RSPH1: variants seen among roughly 807,000 people sequenced by gnomAD.
The protein encoded by RSPH1 is radial spoke head component 1.
Under a neutral mutation model 44.2 loss-of-function variants are expected in RSPH1, and 32 were observed. The observed-to-expected ratio is 0.72, with a 90% confidence interval of 0.55 to 0.97. The LOEUF (loss-of-function observed/expected upper bound fraction) is 0.97, where lower values mean the gene tolerates loss of function less well. Ranked by LOEUF, RSPH1 falls within the 50% of genes least tolerant of loss-of-function variation. RSPH1 has a pLI of 0.00. For synonymous variants in RSPH1, 134 were observed against 147.3 expected (o/e 0.91, Z 0.65); for missense variants, 391 against 398.7 (o/e 0.98, Z 0.16).
intron 4 of RSPH1, 72 bp from the exon 5 acceptor site, chr21:42,485,876 C>T: frequency 1.9e-6 from 3 of 1,589,766 alleles, no homozygotes; most frequent in Middle Eastern, 2.0e-4. Context: ...AAAACACAGA[C>T]ATTGACATTG....
At chr21:42,475,780 C>T in intron 8 of RSPH1, 118 bp downstream of exon 8, 1 of 1,187,796 alleles carries the variant, frequency 8.4e-7, no homozygotes, top group Admixed American at 2.2e-5. Context: ...CCCCCTAAGC[C>T]TTCCTCGAGT....
chr21:42,483,397 C>T (rs1215742225), intron 5 of RSPH1, among the ~76,000 whole-genome samples: 1 of 152,048 alleles, frequency 6.6e-6, no homozygotes, highest in African/African-American at 2.4e-5. Flanking sequence ...CCCATAACTG[C>T]ACTTAAGAGT....
chr21:42,493,600 A>C (rs982744072), intron 1 of RSPH1, among the ~76,000 whole-genome samples: 5 of 152,198 alleles, frequency 3.3e-5, no homozygotes, highest in African/African-American at 1.2e-4. Flanking sequence ...CCCTGCAAGG[A>C]ATTTCCGATG....
intron 3 of RSPH1, among the ~76,000 whole-genome samples, chr21:42,491,447 A>G (rs2054234685): frequency 1.3e-5 from 2 of 152,170 alleles, no homozygotes; most frequent in African/African-American, 2.4e-5. Context: ...CTTATCCTAA[A>G]TATCTTCGTG....
chr21:42,489,283 G>A (rs2146659542), intron 3 of RSPH1, among the ~76,000 whole-genome samples: 1 of 152,192 alleles, frequency 6.6e-6, no homozygotes, highest in Admixed American at 6.5e-5. Context: ...TTGGTTGGTT[G>A]GTTGGTTGGC....
rs752263023 is a variant in RSPH1 at position 42,492,984 on chromosome 21, G to T, written c.150C>A (p.Phe50Leu). Residue 50 changes from phenylalanine (F) to leucine (L), a missense_variant, in exon 2 of 9, where the codon TTC becomes TTA. Phe to Leu is a conservative substitution (Grantham distance 22). Coordinates refer to ENST00000291536, the MANE Select transcript of RSPH1 (RefSeq NM_080860.4). ...TTCTGACCTGGCCATGTCTTTTACC[G>T]AATTCGTAGCTCCCTTCGTAGGTGT... is the stretch of plus-strand genomic sequence containing the variant. ...NGDTYEGSYE[F>L]GKRHGQGIYK... 158 of 1,613,932 alleles carry T rather than the reference G, an allele frequency of 9.8e-5. 1 individual carries two copies. The highest frequency in any genetic ancestry group is 1.3e-4 in the Non-Finnish European group (150 of 1,179,998).
chr21:42,495,626 C>T (rs913136021), intron 1 of RSPH1, among the ~76,000 whole-genome samples: 9 of 152,216 alleles, frequency 5.9e-5, no homozygotes, highest in African/African-American at 2.2e-4. Flanking sequence ...TGAGGATACG[C>T]CTATAAGGTA....
intron 4 of RSPH1, 72 bp downstream of exon 4, chr21:42,486,299 G>T: frequency 8.9e-7 from 1 of 1,125,378 alleles, no homozygotes; most frequent in Non-Finnish European, 1.4e-6. Flanking sequence ...CTCAGTAAGT[G>T]TAAACAATCT....
rs376744963 is a variant in RSPH1 at position 42,474,805 on chromosome 21, C to T, written c.877+1093G>A. On this transcript the variant is annotated intron_variant, in intron 8 of 8. Transcript: ENST00000291536. The surrounding 1 kb of genome is among the most constrained non-coding windows in gnomAD (Gnocchi z 5.2). ...TACCGATCACGAAAGTCTATGCCAG[C>T]GCTCAGGGGAATTACCGATCACGAA... Among the ~76,000 whole-genome samples the T allele has an allele frequency of 2.0e-5, 3 of 152,148 alleles. No individual in the cohort carries two copies. The highest frequency in any genetic ancestry group is 2.9e-5 in the Non-Finnish European group (2 of 68,012).
intron 1 of RSPH1, among the ~76,000 whole-genome samples, chr21:42,493,745 T>C (rs2054259418): frequency 6.6e-6 from 1 of 152,204 alleles, no homozygotes; most frequent in Admixed American, 6.5e-5. Context: ...ATTATGTATC[T>C]ATCTGTGGTT....
chr21:42,478,628 A>C (rs1315449738), intron 6 of RSPH1, among the ~76,000 whole-genome samples: 3 of 152,242 alleles, frequency 2.0e-5, no homozygotes, highest in Non-Finnish European at 4.4e-5. Context: ...GCTACTGTAG[A>C]AAACATTTGA....
At chr21:42,494,992 G>A (rs536248209) in intron 1 of RSPH1, among the ~76,000 whole-genome samples, 3 of 152,160 alleles carry the variant, frequency 2.0e-5, no homozygotes, top group Admixed American at 6.5e-5. Context: ...GAGCCACCGC[G>A]CCTGGCCTGA....
chr21:42,486,132 C>T, intron 4 of RSPH1: 1 of 573,758 alleles, frequency 1.7e-6, no homozygotes, highest in South Asian at 2.1e-5. Context: ...CCCTGGGACT[C>T]TTGGGTGAAA....
rs1173308341 is a variant in RSPH1, at chr21:42,475,840, A to G, written c.877+58T>C. 1.9e-6 allele frequency: 3 copies of G among 1,578,120 alleles called. No homozygotes were observed. The East Asian group carries it at 6.8e-5, about 36-fold the overall frequency. On this transcript the variant is annotated intron_variant, in intron 8 of 8. Coordinates refer to ENST00000291536, the MANE Select transcript of RSPH1 (RefSeq NM_080860.4). ...CCTTGGTGAAGGGAAGGGGAATCCC[A>G]CTGTTCGTGGCCCCTAAGTGCGGGC... is the stretch of plus-strand genomic sequence containing the variant.
rs2054024276 is a variant in RSPH1, at chr21:42,474,578, G to T, written c.877+1320C>A. Among the ~76,000 whole-genome samples the T allele has an allele frequency of 6.6e-6, 1 of 152,248 alleles. No individual in the cohort carries two copies. The highest frequency in any genetic ancestry group is 2.1e-4 in the South Asian group (1 of 4,832). ...TCTGTGGGCACAGCTAGATGCTGCT[G>T]TAACACTGTGCATACTCTAGCCACT... On this transcript the variant is annotated intron_variant, in intron 8 of 8. Transcript: ENST00000291536. The surrounding 1 kb of genome is among the most constrained non-coding windows in gnomAD (Gnocchi z 5.2).
intron 6 of RSPH1, among the ~76,000 whole-genome samples, chr21:42,478,596 G>T (rs1439242649): frequency 2.6e-5 from 4 of 152,168 alleles, no homozygotes. Flanking sequence ...TCACATTGCT[G>T]GTGGGAACGT....
Position 42,486,428 on chromosome 21 carries a change from C to T in RSPH1, c.308G>A (p.Gly103Asp), listed in dbSNP as rs587777060. 8.7e-6 allele frequency: 14 copies of T among 1,613,964 alleles called. No homozygotes were observed. Among genetic ancestry groups the T allele is most frequent in the Non-Finnish European group, 1.2e-5 (14 of 1,179,942 alleles). The change falls in exon 4 of 9, where the codon GGC becomes GAC. Residue 103 changes from glycine (G) to aspartate (D), a missense_variant. Physicochemically the swap from Gly to Asp is moderately conservative, Grantham distance 94. Transcript: ENST00000291536. ...GTCATTATTGATGTAGTAGTATACG[C>T]CATGGCCGTGCCGCAGGTCATTTGC... ...EWANDLRHGH[G>D]VYYYINNDTY...
chr21:42,485,361 A>G (rs558345386), intron 5 of RSPH1: 56 of 333,762 alleles, frequency 1.7e-4, no homozygotes, highest in African/African-American at 1.1e-3. Context: ...TACCCATGAG[A>G]AGGAATACAC....
chr21:42,476,194 C>G, intron 7 of RSPH1, 147 bp from the exon 8 acceptor site: 1 of 770,196 alleles, frequency 1.3e-6, no homozygotes, highest in Non-Finnish European at 2.1e-6. Flanking sequence ...CAACATCCAC[C>G]CAGCCCAGCC....
Sources: gnomAD v4.1 joint callset for allele counts (sites outside exome capture counted in the v4.1 genomes callset) on GRCh38, gnomAD v4.1.1 for gene constraint, Gnocchi (gnomAD v3.1) non-coding constraint, MANE v1.5 for transcripts, NCBI Gene and HGNC (gene_info 2026-07-23, HGNC 2026-07-21) for gene names.